The following HOOK3 variants were observed in gnomAD, a reference collection of about 807,000 sequenced individuals.
HOOK3 encodes protein Hook homolog 3.
In HOOK3, 24 loss-of-function variants were observed where a neutral mutation model predicts 116.3. That is an observed-to-expected ratio of 0.21 (90% CI 0.15 to 0.29). HOOK3 has a LOEUF of 0.29. Ranked by LOEUF, HOOK3 falls within the 10% of genes least tolerant of loss-of-function variation. HOOK3 has a pLI of 1.00. For missense variants in HOOK3, 632 were observed against 830.2 expected (o/e 0.76, Z 2.93); for synonymous variants, 275 against 283.0 (o/e 0.97, Z 0.28).
chr8:42,905,313 T>C (rs1807281790), intron 1 of HOOK3, among the ~76,000 whole-genome samples: 1 of 124,978 alleles, frequency 8.0e-6, no homozygotes, highest in Non-Finnish European at 1.6e-5. Flanking sequence ...TTTTTTTTCC[T>C]GTTTCTTTTT....
intron 5 of HOOK3, among the ~76,000 whole-genome samples, chr8:42,945,264 A>G (rs911209959): frequency 1.3e-5 from 2 of 152,326 alleles, no homozygotes; most frequent in African/African-American, 2.4e-5. Context: ...ACTAGGAAAC[A>G]TGAAAACATA....
chr8:42,965,759 C>A (rs1276340251), intron 9 of HOOK3, among the ~76,000 whole-genome samples: 1 of 150,460 alleles, frequency 6.6e-6, no homozygotes, highest in South Asian at 2.1e-4. Flanking sequence ...TTTCTTTTAC[C>A]TTAACAGGAA....
intron 16 of HOOK3, among the ~76,000 whole-genome samples, chr8:43,000,104 C>T (rs749752359): frequency 8.5e-5 from 13 of 152,146 alleles, no homozygotes; most frequent in South Asian, 4.1e-4. Context: ...GCAGAGATTG[C>T]GCCACTACAC....
chr8:42,971,119 T>C (rs1487220089), intron 11 of HOOK3, among the ~76,000 whole-genome samples: 1 of 151,902 alleles, frequency 6.6e-6, no homozygotes, highest in Non-Finnish European at 1.5e-5. Context: ...TATCCTTTTT[T>C]TTCTTCTTAA....
intron 15 of HOOK3, among the ~76,000 whole-genome samples, chr8:42,987,695 C>CT (rs1446985564): frequency 1.3e-5 from 2 of 152,174 alleles, no homozygotes; most frequent in Admixed American, 1.3e-4. Flanking sequence ...CAACATGGTG[C>CT]TATTCACTCA....
chr8:42,995,316 T>A (rs1037692400), intron 15 of HOOK3, among the ~76,000 whole-genome samples: 1 of 152,234 alleles, frequency 6.6e-6, no homozygotes, highest in Non-Finnish European at 1.5e-5. Flanking sequence ...AAGTATTTCT[T>A]ACTAAGATAA....
chr8:42,926,475 G>A (rs1183174432), intron 3 of HOOK3, among the ~76,000 whole-genome samples: 2 of 151,706 alleles, frequency 1.3e-5, no homozygotes, highest in African/African-American at 2.4e-5. Flanking sequence ...TTGTAGAGAC[G>A]GGGTTTCACC....
intron 2 of HOOK3, among the ~76,000 whole-genome samples, chr8:42,920,237 C>T (rs888929471): frequency 4.6e-5 from 7 of 152,174 alleles, no homozygotes; most frequent in African/African-American, 7.2e-5. Flanking sequence ...ACTGTCATCT[C>T]TTCCTAGTTT....
At chr8:42,990,007 ATTT>A (rs1447877249) in intron 15 of HOOK3, among the ~76,000 whole-genome samples, 1 of 151,652 alleles carries the variant, frequency 6.6e-6, no homozygotes, top group Non-Finnish European at 1.5e-5. Flanking sequence ...ATTTTATTTT[ATTT>A]TTTTGAGACA....
At chr8:43,008,902 G>T (rs1037996787) in intron 18 of HOOK3, among the ~76,000 whole-genome samples, 1 of 150,828 alleles carries the variant, frequency 6.6e-6, no homozygotes, top group East Asian at 2.0e-4. Flanking sequence ...CTCGTGATCC[G>T]CCCGCCTCGG....
chr8:42,967,998 C>T lies in HOOK3; in HGVS notation c.921-15C>T, dbSNP rs1245339989. ...GATGTGTTTCTGATTTTTTTAATTTCCCATCTAATTCTAGACATTCTTCTG... is the reference window on the plus strand; with the variant it reads ...GATGTGTTTCTGATTTTTTTAATTTTCCATCTAATTCTAGACATTCTTCTG... On this transcript the variant is annotated splice_polypyrimidine_tract_variant and intron_variant, in intron 10 of 21. Transcript: ENST00000307602. The T allele has an allele frequency of 2.1e-6, 3 of 1,410,144 alleles. No individual in the cohort carries two copies. In the East Asian group the frequency reaches 6.8e-5, roughly 32 times the overall value. 87.4% of individuals were successfully genotyped at this position (1,410,144 alleles called of 1,614,324 possible). A position where few individuals can be genotyped will look rare whatever the true frequency, so the allele number is the denominator to read the frequency against.
At position 43,020,730 on chromosome 8, in the gene HOOK3, A is replaced by G. The variant is rs1809809877; in HGVS notation, c.*2232A>G. ...CTCTGTCTCAATCAGTCAATCAATC[A>G]ATCAATCAAATTGGAATATGAGCAC... On this transcript the variant is annotated 3_prime_UTR_variant, in exon 22 of 22. Transcript: ENST00000307602. 1 of 178,090 alleles carries G rather than the reference A, an allele frequency of 5.6e-6. No homozygotes were observed. The allele number at this position is 178,090 out of a possible 1,614,324, so 11.0% of individuals were successfully genotyped here.
rs1399369351 is a variant in HOOK3 at position 43,025,531 on chromosome 8, C to T, written c.*7033C>T. 2 of 212,250 alleles carry T rather than the reference C, an allele frequency of 9.4e-6. No individual in the cohort carries two copies. Among genetic ancestry groups the T allele is most frequent in the Non-Finnish European group, 1.9e-5 (2 of 105,010 alleles). The allele number at this position is 212,250 out of a possible 1,614,324, so 13.1% of individuals were successfully genotyped here. A position where few individuals can be genotyped will look rare whatever the true frequency, so the allele number is the denominator to read the frequency against. On this transcript the variant is annotated 3_prime_UTR_variant, in exon 22 of 22. Coordinates refer to ENST00000307602, the MANE Select transcript of HOOK3 (RefSeq NM_032410.4). ...CATGATTATTCAGTAAAAGAGTAAA[C>T]AAATATCTAATTTATTTTCTAATTG...
chr8:43,000,164 A>G, intron 16 of HOOK3: 1 of 671,302 alleles, frequency 1.5e-6, no homozygotes, highest in Admixed American at 2.5e-5. Context: ...GAAAGTACTT[A>G]TCTTTTACTT....
chr8:43,008,652 TTTTTATTTTTA>T (rs1232260574), intron 18 of HOOK3, among the ~76,000 whole-genome samples: 3 of 148,474 alleles, frequency 2.0e-5, no homozygotes, highest in African/African-American at 7.4e-5. Flanking sequence ...TTTATTTTTA[TTTTTATTTTTA>T]TTTTTTTTTT....
intron 14 of HOOK3, among the ~76,000 whole-genome samples, chr8:42,985,258 G>A (rs1040777434): frequency 1.3e-5 from 2 of 152,088 alleles, no homozygotes; most frequent in Non-Finnish European, 2.9e-5. Flanking sequence ...GATATACAGA[G>A]AAGTATATTT....
At chr8:43,011,016 G>A (rs1457503818) in intron 19 of HOOK3, among the ~76,000 whole-genome samples, 2 of 150,880 alleles carry the variant, frequency 1.3e-5, no homozygotes, top group Non-Finnish European at 1.5e-5. Flanking sequence ...TTTTTGAGAT[G>A]GAGTCTCGCT....
intron 11 of HOOK3, 93 bp from the exon 12 acceptor site, chr8:42,973,196 A>G (rs1271338055): frequency 2.2e-6 from 3 of 1,351,398 alleles, no homozygotes; most frequent in Non-Finnish European, 3.0e-6. Flanking sequence ...TACTGGTGGG[A>G]GAGATTTTGG....
At chr8:42,897,740 C>T (rs1430380136) in intron 1 of HOOK3, among the ~76,000 whole-genome samples, 3 of 152,254 alleles carry the variant, frequency 2.0e-5, no homozygotes, top group African/African-American at 7.2e-5. Flanking sequence ...CAATGGAACT[C>T]GAAGGCCTTG....
Sources: gnomAD v4.1 joint callset for allele counts (sites outside exome capture counted in the v4.1 genomes callset) on GRCh38, gnomAD v4.1.1 for gene constraint, MANE v1.5 for transcripts, NCBI Gene and HGNC (gene_info 2026-07-23, HGNC 2026-07-21) for gene names.